The following CACNA2D1 variants were observed in gnomAD, a reference collection of about 807,000 sequenced individuals.
The protein encoded by CACNA2D1 is voltage-dependent calcium channel subunit alpha-2/delta-1.
A neutral mutation model predicts 171.5 loss-of-function variants in CACNA2D1; 53 were observed. The ratio of observed to expected loss-of-function variants is 0.31; its 90% CI spans 0.25 to 0.39. The LOEUF (loss-of-function observed/expected upper bound fraction) is 0.39, where lower values mean the gene tolerates loss of function less well. Ranked by LOEUF, CACNA2D1 falls within the 10% of genes least tolerant of loss-of-function variation. CACNA2D1 has a pLI of 1.00. For missense variants in CACNA2D1, 903 were observed against 1,299.8 expected (o/e 0.69, Z 4.69); for synonymous variants, 442 against 443.1 (o/e 1.00, Z 0.03).
intron 3 of CACNA2D1, among the ~76,000 whole-genome samples, chr7:82,298,584 TTTTTTTAAGA>T (rs1275605397): frequency 1.3e-5 from 2 of 151,978 alleles, no homozygotes; most frequent in Non-Finnish European, 2.9e-5. Flanking sequence ...GTCTTTTTTT[TTTTTTTAAGA>T]GACAAGGGTC....
intron 3 of CACNA2D1, among the ~76,000 whole-genome samples, chr7:82,176,352 A>C (rs1261582899): frequency 2.0e-5 from 3 of 152,152 alleles, no homozygotes; most frequent in East Asian, 3.9e-4. Context: ...TGAAATTCAT[A>C]TAAACATGTA....
intron 10 of CACNA2D1, among the ~76,000 whole-genome samples, chr7:82,053,699 ATTTATCT>A (rs1805487235): frequency 6.6e-6 from 1 of 151,368 alleles, no homozygotes; most frequent in Non-Finnish European, 1.5e-5. Context: ...CTTCCTGATT[ATTTATCT>A]TTTAAGTTCC....
chr7:82,268,421 G>A (rs1379570766), intron 3 of CACNA2D1, among the ~76,000 whole-genome samples: 3 of 152,092 alleles, frequency 2.0e-5, no homozygotes, highest in African/African-American at 4.8e-5. Flanking sequence ...AAGGTATTAC[G>A]GAGAGAACCT....
chr7:82,288,040 C>T (rs1449444489), intron 3 of CACNA2D1, among the ~76,000 whole-genome samples: 3 of 148,272 alleles, frequency 2.0e-5, no homozygotes, highest in African/African-American at 2.6e-5. Context: ...TGGGGTTTCA[C>T]TGTGTTAGCC....
intron 6 of CACNA2D1, among the ~76,000 whole-genome samples, chr7:82,092,567 T>G (rs71557115): frequency 0.014 from 1,103 of 77,778 alleles, 58 homozygotes; most frequent in Admixed American, 0.13. Flanking sequence ...TTTTTTTTTG[T>G]ATTTTTAGTA....
intron 4 of CACNA2D1, among the ~76,000 whole-genome samples, chr7:82,166,873 G>A (rs1422710308): frequency 6.6e-6 from 1 of 152,054 alleles, no homozygotes; most frequent in Non-Finnish European, 1.5e-5. Context: ...ATGGAGCTGA[G>A]AGAGAGTGTG....
rs10453027 is a variant in CACNA2D1 at position 82,261,106 on chromosome 7, C to G, written c.294+74029G>C. Among the ~76,000 whole-genome samples the G allele has an allele frequency of 8.7e-3, 1,323 of 152,226 alleles. 15 individuals carry two copies. The highest frequency in any genetic ancestry group is 0.03 in the African/African-American group (1,239 of 41,542). ...AGTAGCTAGGATTACAGGTGCCCACCAGCACGCCCGGCTAAATTTTGTATT... is the reference window on the plus strand; with the variant it reads ...AGTAGCTAGGATTACAGGTGCCCACGAGCACGCCCGGCTAAATTTTGTATT... On this transcript the variant is annotated intron_variant, in intron 3 of 38. Transcript: ENST00000356860.
At chr7:82,252,846 C>T (rs1039468430) in intron 3 of CACNA2D1, among the ~76,000 whole-genome samples, 5 of 151,670 alleles carry the variant, frequency 3.3e-5, no homozygotes, top group East Asian at 1.9e-4. Context: ...GCCAAGATCA[C>T]GCCACTGCAC....
chr7:82,064,274 T>C, intron 9 of CACNA2D1, 30 bp downstream of exon 9: 1 of 1,438,372 alleles, frequency 7.0e-7, no homozygotes, highest in Non-Finnish European at 9.8e-7. Flanking sequence ...ATATTCTCAA[T>C]ATATAAATAA....
chr7:82,319,557 TTTAG>T (rs1815553910), intron 3 of CACNA2D1, among the ~76,000 whole-genome samples: 1 of 152,230 alleles, frequency 6.6e-6, no homozygotes, highest in South Asian at 2.1e-4. Flanking sequence ...TGATAATTTA[TTTAG>T]TTATTTTTTT....
chr7:82,086,433 T>C (rs1310358322), intron 6 of CACNA2D1, among the ~76,000 whole-genome samples: 1 of 152,158 alleles, frequency 6.6e-6, no homozygotes, highest in African/African-American at 2.4e-5. Context: ...TGTGTGAATA[T>C]TCATGAGCTG....
At chr7:82,352,274 T>C (rs1185450245) in intron 1 of CACNA2D1, among the ~76,000 whole-genome samples, 2 of 152,122 alleles carry the variant, frequency 1.3e-5, no homozygotes, top group African/African-American at 4.8e-5. Flanking sequence ...TTATAAAAAA[T>C]AGAAAATAAG....
intron 10 of CACNA2D1, among the ~76,000 whole-genome samples, chr7:82,058,643 T>C (rs868825414): frequency 6.6e-6 from 1 of 152,102 alleles, no homozygotes; most frequent in Admixed American, 6.6e-5. Context: ...CAGTATCAAG[T>C]TTTAATAAAT....
intron 6 of CACNA2D1, among the ~76,000 whole-genome samples, chr7:82,091,086 A>T (rs976902492): frequency 3.9e-5 from 6 of 152,296 alleles, no homozygotes; most frequent in Middle Eastern, 3.4e-3. Context: ...CACAGGGAAA[A>T]AAAGAATCCA....
At chr7:82,376,374 T>G (rs1823019056) in intron 1 of CACNA2D1, among the ~76,000 whole-genome samples, 1 of 152,152 alleles carries the variant, frequency 6.6e-6, no homozygotes, top group Admixed American at 6.5e-5. Flanking sequence ...CACTCATGAT[T>G]TTAGATATTG....
chr7:82,338,981 C>G (rs866469165), intron 2 of CACNA2D1, among the ~76,000 whole-genome samples: 1 of 152,086 alleles, frequency 6.6e-6, no homozygotes, highest in Non-Finnish European at 1.5e-5. Flanking sequence ...GGGCCCTAAG[C>G]AGGTTGAGAA....
chr7:82,056,501 C>T (rs1805925077), intron 10 of CACNA2D1, among the ~76,000 whole-genome samples: 1 of 152,060 alleles, frequency 6.6e-6, no homozygotes, highest in Non-Finnish European at 1.5e-5. Context: ...CTGTATGTGT[C>T]AACTGTACTG....
At chr7:82,184,411 T>C (rs1023437944) in intron 3 of CACNA2D1, among the ~76,000 whole-genome samples, 19 of 152,134 alleles carry the variant, frequency 1.2e-4, no homozygotes, top group African/African-American at 4.6e-4. Context: ...TTCCCCTTTT[T>C]CTAGAGAACA....
At chr7:82,097,442 G>C (rs181550732) in intron 6 of CACNA2D1, among the ~76,000 whole-genome samples, 1 of 152,106 alleles carries the variant, frequency 6.6e-6, no homozygotes, top group Non-Finnish European at 1.5e-5. Context: ...GATATAGAGA[G>C]TGGAAAGAGA....
Sources: allele counts gnomAD v4.1 joint callset (sites outside exome capture counted in the v4.1 genomes callset), GRCh38; gene constraint gnomAD v4.1.1; transcripts MANE v1.5; gene names NCBI Gene and HGNC (gene_info 2026-07-23, HGNC 2026-07-21).